Variants in CCR9 observed in about 807,000 individuals in gnomAD.
CCR9 encodes the protein C-C motif chemokine receptor 9, also known as C-C chemokine receptor type 9.
A neutral mutation model predicts 8.7 loss-of-function variants in CCR9; 4 were observed. The ratio of observed to expected loss-of-function variants is 0.46; its 90% CI spans 0.23 to 1.06. CCR9 has a LOEUF of 1.06. Among genes scored for constraint, CCR9 ranks in the 50% least tolerant of loss-of-function variants. The probability of loss-of-function intolerance (pLI) is 0.21; values close to 1 mark genes in which losing one functional copy is unlikely to be tolerated. For synonymous variants in CCR9, 159 were observed against 168.8 expected (o/e 0.94, Z 0.45); for missense variants, 394 against 453.6 (o/e 0.87, Z 1.19).
rs1223336221 is a variant in CCR9 at position 45,894,488 on chromosome 3, G to T, written c.-28-418G>T. 4.6e-5 allele frequency among the ~76,000 whole-genome samples: 7 copies of T among 152,294 alleles called. No individual in the cohort carries two copies. The East Asian group carries it at 7.7e-4, about 17-fold the overall frequency. On this transcript the variant is annotated intron_variant, in intron 1 of 2. Coordinates refer to ENST00000357632, the MANE Select transcript of CCR9 (RefSeq NM_031200.3). ...GGTGAGTCCCTTAGCTGATAGAGCA[G>T]GGGGAAGGGGAACCAGTCAGCAAAA... is the stretch of plus-strand genomic sequence containing the variant.
intron 1 of CCR9, among the ~76,000 whole-genome samples, chr3:45,888,771 A>G (rs965724071): frequency 1.3e-5 from 2 of 152,198 alleles, no homozygotes; most frequent in Non-Finnish European, 1.5e-5. Context: ...CTGGGAGAAT[A>G]AAATATTTGA....
At position 45,902,719 on chromosome 3, in the gene CCR9, G is replaced by A. The variant is rs192083942; in HGVS notation, c.*821G>A. 7.8e-5 allele frequency: 13 copies of A among 167,204 alleles called. No homozygotes were observed. The East Asian group carries it at 2.5e-3, about 32-fold the overall frequency. 10.4% of individuals were successfully genotyped at this position (167,204 alleles called of 1,614,324 possible). ...GGAGCCAGCCTTGGCCCTGTTGTAG[G>A]CTTGTTCTGTTGAGTGGCACTTGCT... On this transcript the variant is annotated 3_prime_UTR_variant, in exon 3 of 3. Transcript: ENST00000357632.
intron 1 of CCR9, among the ~76,000 whole-genome samples, chr3:45,890,810 G>A (rs768236344): frequency 6.6e-6 from 1 of 152,236 alleles, no homozygotes; most frequent in Non-Finnish European, 1.5e-5. Context: ...CCCACAGAGG[G>A]GAATGTTTAA....
rs1701988768 is a variant in CCR9 at position 45,886,651 on chromosome 3, C to A, written c.-33C>A. 1 of 152,378 alleles carries A rather than the reference C, an allele frequency of 6.6e-6. No individual in the cohort carries two copies. The highest frequency in any genetic ancestry group is 2.1e-4 in the South Asian group (1 of 4,826). 9.4% of individuals were successfully genotyped at this position (152,378 alleles called of 1,614,324 possible). A position where few individuals can be genotyped will look rare whatever the true frequency, so the allele number is the denominator to read the frequency against. ...GTCCCAGGGAGAGTTGCATCGCCCTCCACAGTGAGTATTGCTCTTCTTCTT... is the reference window on the plus strand; with the variant it reads ...GTCCCAGGGAGAGTTGCATCGCCCTACACAGTGAGTATTGCTCTTCTTCTT... On this transcript the variant is annotated 5_prime_UTR_variant, in exon 1 of 3. Coordinates refer to ENST00000357632, the MANE Select transcript of CCR9 (RefSeq NM_031200.3).
At chr3:45,897,647 G>C (rs1037452176) in intron 2 of CCR9, 5 of 1,518,826 alleles carry the variant, frequency 3.3e-6, no homozygotes, top group Non-Finnish European at 2.6e-6. Context: ...GACTAACACA[G>C]CTAAGTGATG....
intron 2 of CCR9, among the ~76,000 whole-genome samples, chr3:45,896,459 G>A (rs1163989551): frequency 6.6e-6 from 1 of 152,242 alleles, no homozygotes; most frequent in East Asian, 1.9e-4. Context: ...TTCTGAGGAT[G>A]TGCTGGGCCA....
chr3:45,888,408 C>T (rs1702048558), intron 1 of CCR9, among the ~76,000 whole-genome samples: 1 of 152,224 alleles, frequency 6.6e-6, no homozygotes, highest in African/African-American at 2.4e-5. Context: ...ATAGCACTTT[C>T]CCTTTGTTGT....
intron 2 of CCR9, among the ~76,000 whole-genome samples, chr3:45,895,462 G>A (rs182618274): frequency 3.2e-4 from 49 of 152,344 alleles, no homozygotes; most frequent in Non-Finnish European, 5.6e-4. Context: ...TGTAATCCCA[G>A]CACTTTGGGA....
At position 45,901,568 on chromosome 3, in the gene CCR9, G is replaced by T; in HGVS notation, c.780G>T (p.Leu260=). ...HKALKVTITV[L]TVFVLSQFPY... is the part of the protein sequence containing the mutation. ...CCCTAAAAGTGACCATCACTGTCCT[G>T]ACCGTCTTTGTCTTGTCTCAGTTTC... The change falls in exon 3 of 3, where the codon CTG becomes CTT. Residue 260 remains leucine, a synonymous_variant. Transcript: ENST00000357632. The surrounding 1 kb of genome is among the most constrained non-coding windows in gnomAD (Gnocchi z 4.3). 6.2e-7 allele frequency: 1 copy of T among 1,614,180 alleles called. No homozygotes were observed. The highest frequency in any genetic ancestry group is 1.1e-5 in the South Asian group (1 of 91,066).
At chr3:45,887,621 C>T (rs1423454641) in intron 1 of CCR9, among the ~76,000 whole-genome samples, 1 of 152,230 alleles carries the variant, frequency 6.6e-6, no homozygotes, top group Non-Finnish European at 1.5e-5. Context: ...GATCCCATCT[C>T]CTTACTCCCT....
At chr3:45,896,405 T>C (rs1702357914) in intron 2 of CCR9, among the ~76,000 whole-genome samples, 1 of 152,212 alleles carries the variant, frequency 6.6e-6, no homozygotes, top group Admixed American at 6.5e-5. Flanking sequence ...TGGCCCTGAC[T>C]CCCATATTCC....
chr3:45,898,677 C>T (rs1702447657), intron 2 of CCR9, among the ~76,000 whole-genome samples: 1 of 152,250 alleles, frequency 6.6e-6, no homozygotes, highest in South Asian at 2.1e-4. Flanking sequence ...TTCCTGCCAG[C>T]CAGGGCCCAA....
In CCR9 at chr3:45,901,675, A is replaced by G; in HGVS notation, c.887A>G (p.Asp296Gly). 1 of 1,613,930 alleles carries G rather than the reference A, an allele frequency of 6.2e-7. No homozygotes were observed. The highest frequency in any genetic ancestry group is 8.5e-7 in the Non-Finnish European group (1 of 1,179,802). Residue 296 changes from aspartate (D) to glycine (G), a missense_variant, in exon 3 of 3, where the codon GAC (aspartate) becomes GGC (glycine). Coordinates refer to ENST00000357632, the MANE Select transcript of CCR9 (RefSeq NM_031200.3). The surrounding 1 kb of genome is among the most constrained non-coding windows in gnomAD (Gnocchi z 4.3). The stretch of plus-strand genomic sequence containing the variant: ...AACTGTGCCGTTTCCACCAACATTG[A>G]CATCTGCTTCCAGGTCACCCAGACC... ...ISNCAVSTNIDICFQVTQTIA... is the reference protein window; with the variant it reads ...ISNCAVSTNIGICFQVTQTIA...
chr3:45,886,847 G>C (rs1329823587), intron 1 of CCR9, among the ~76,000 whole-genome samples, 192 bp downstream of exon 1: 1 of 152,054 alleles, frequency 6.6e-6, no homozygotes, highest in African/African-American at 2.4e-5. Flanking sequence ...TTTCTTGTAG[G>C]GCGAGTAATA....
At chr3:45,890,695 G>A (rs1406732393) in intron 1 of CCR9, among the ~76,000 whole-genome samples, 2 of 152,082 alleles carry the variant, frequency 1.3e-5, no homozygotes, top group Non-Finnish European at 2.9e-5. Flanking sequence ...TTCGGCTTAG[G>A]AGGAAAGGGG....
In CCR9 at chr3:45,902,088, G is replaced by A; in HGVS notation, c.*190G>A. 1.8e-6 allele frequency: 1 copy of A among 568,328 alleles called. No homozygotes were observed. 35.2% of individuals were successfully genotyped at this position (568,328 alleles called of 1,614,324 possible). On this transcript the variant is annotated 3_prime_UTR_variant, in exon 3 of 3. Transcript: ENST00000357632. ...TCAAAATCAACTGACTAGTGCAGGA[G>A]GCTGTTGATTGGCTCTTGACTGTGA...
chr3:45,892,551 A>G (rs1337927994), intron 1 of CCR9, among the ~76,000 whole-genome samples: 1 of 152,056 alleles, frequency 6.6e-6, no homozygotes, highest in Non-Finnish European at 1.5e-5. Flanking sequence ...AGACACTGGG[A>G]CCCCCTTGAG....
In CCR9 at chr3:45,891,147, C is replaced by T. The variant is rs529126077; in HGVS notation, c.-28-3759C>T. Among the ~76,000 whole-genome samples, 10 of 152,316 alleles carry T rather than the reference C, an allele frequency of 6.6e-5. No homozygotes were observed. In the South Asian group the frequency reaches 1.9e-3, roughly 28 times the overall value. On this transcript the variant is annotated intron_variant, in intron 1 of 2. Coordinates refer to ENST00000357632, the MANE Select transcript of CCR9 (RefSeq NM_031200.3). ...GATAAATGTCAGTGTTTTCCTGGCC[C>T]CCAGAGGGCTGCAGTGAAATTCGGT...
rs200688629 is a variant in CCR9 at position 45,900,954 on chromosome 3, T to A, written c.166T>A (p.Trp56Arg). The A allele has an allele frequency of 6.2e-7, 1 of 1,614,238 alleles. No individual in the cohort carries two copies. Among genetic ancestry groups the A allele is most frequent in the Non-Finnish European group, 8.5e-7 (1 of 1,180,034 alleles). Residue 56 changes from tryptophan to arginine, a missense_variant, in exon 3 of 3, where the codon TGG becomes AGG. Transcript: ENST00000357632. This position sits in a 1 kb window ranked among gnomAD's most constrained non-coding sequence, Gnocchi z 4.7. Reference sequence around the variant, plus strand: ...GAGCCATTTCCTCCCACCCTTGTACTGGCTCGTGTTCATCGTGGGTGCCTT... The same window carrying A: ...GAGCCATTTCCTCCCACCCTTGTACAGGCTCGTGTTCATCGTGGGTGCCTT... ...FASHFLPPLY[W>R]LVFIVGALGN...
Sources: allele counts gnomAD v4.1 joint callset (sites outside exome capture counted in the v4.1 genomes callset), GRCh38; gene constraint gnomAD v4.1.1; non-coding constraint Gnocchi (gnomAD v3.1); transcripts MANE v1.5; gene names NCBI Gene and HGNC (gene_info 2026-07-23, HGNC 2026-07-21).